PPP1CB: variants seen among roughly 807,000 people sequenced by gnomAD.
PPP1CB encodes the protein serine/threonine-protein phosphatase PP1-beta catalytic subunit.
A neutral mutation model predicts 43.7 loss-of-function variants in PPP1CB; 2 were observed. The observed-to-expected ratio is 0.05, with a 90% confidence interval of 0.02 to 0.14. The LOEUF is 0.14. Ranked by LOEUF, PPP1CB falls within the 10% of genes least tolerant of loss-of-function variation. The pLI is 1.00. For missense variants in PPP1CB, 84 were observed against 398.0 expected, an observed-to-expected ratio of 0.21 and a Z score of 6.71; for synonymous variants, 136 against 135.6, an observed-to-expected ratio of 1.00 and a Z score of -0.02.
At chr2:28,754,989 A>G (rs1472658250) in intron 1 of PPP1CB, among the ~76,000 whole-genome samples, 1 of 152,114 alleles carries the variant, frequency 6.6e-6, no homozygotes, top group African/African-American at 2.4e-5. Flanking sequence ...TGGTGACTAC[A>G]TTTTATGAGT....
intron 2 of PPP1CB, among the ~76,000 whole-genome samples, chr2:28,777,605 C>G (rs925397185): frequency 1.3e-5 from 2 of 151,982 alleles, no homozygotes; most frequent in Non-Finnish European, 2.9e-5. Context: ...TGTACAGTGC[C>G]CAGCAAATAA....
chr2:28,787,215 T>C (rs1016001743), intron 5 of PPP1CB, among the ~76,000 whole-genome samples: 1 of 152,140 alleles, frequency 6.6e-6, no homozygotes, highest in Non-Finnish European at 1.5e-5. Context: ...ATCCCAGCAC[T>C]CTGGGAGGCC....
At chr2:28,769,700 G>A (rs576620059) in intron 1 of PPP1CB, among the ~76,000 whole-genome samples, 1 of 152,186 alleles carries the variant, frequency 6.6e-6, no homozygotes, top group East Asian at 1.9e-4. Flanking sequence ...TAAAATATGT[G>A]GAAACAAAAA....
intron 1 of PPP1CB, 65 bp downstream of exon 1, chr2:28,752,241 G>A: frequency 1.4e-6 from 2 of 1,408,000 alleles, no homozygotes; most frequent in African/African-American, 3.0e-5. Context: ...CTGCGTCCCC[G>A]TCTGCCGCCG....
chr2:28,782,012 A>G, intron 4 of PPP1CB, 170 bp downstream of exon 4: 1 of 652,430 alleles, frequency 1.5e-6, no homozygotes, highest in South Asian at 1.8e-5. Context: ...AAATTTATTT[A>G]TAAATGAAAA....
chr2:28,786,647 C>T (rs1036185206), intron 5 of PPP1CB, among the ~76,000 whole-genome samples: 3 of 151,392 alleles, frequency 2.0e-5, no homozygotes, highest in African/African-American at 4.9e-5. Flanking sequence ...TGGCAGTGGG[C>T]GCCTGTAGTC....
At chr2:28,767,551 A>G (rs964276270) in intron 1 of PPP1CB, among the ~76,000 whole-genome samples, 1 of 152,182 alleles carries the variant, frequency 6.6e-6, no homozygotes, top group Non-Finnish European at 1.5e-5. Flanking sequence ...GACACCCATG[A>G]CGCTGCCAGG....
chr2:28,759,667 G>C (rs1325262173), intron 1 of PPP1CB, among the ~76,000 whole-genome samples: 1 of 150,812 alleles, frequency 6.6e-6, no homozygotes, highest in Non-Finnish European at 1.5e-5. Context: ...GCCCAGGCTG[G>C]AGTGCAGTGA....
chr2:28,789,947 G>C (rs963419764), intron 6 of PPP1CB, among the ~76,000 whole-genome samples: 1 of 152,052 alleles, frequency 6.6e-6, no homozygotes, highest in African/African-American at 2.4e-5. Flanking sequence ...TTTGATAAGA[G>C]CAAACCACAC....
At chr2:28,774,975 A>G (rs1667001808) in intron 1 of PPP1CB, among the ~76,000 whole-genome samples, 1 of 151,602 alleles carries the variant, frequency 6.6e-6, no homozygotes, top group South Asian at 2.1e-4. Flanking sequence ...TCTCCTGTTT[A>G]TTGCCTCCTT....
At chr2:28,793,736 C>G (rs1017420488) in intron 6 of PPP1CB, 127 bp from the exon 7 acceptor site, 1 of 987,102 alleles carries the variant, frequency 1.0e-6, no homozygotes, top group African/African-American at 1.6e-5. Flanking sequence ...TCACAACTTC[C>G]AAAACAAAAC....
At chr2:28,786,846 A>C (rs1467475947) in intron 5 of PPP1CB, among the ~76,000 whole-genome samples, 1 of 151,878 alleles carries the variant, frequency 6.6e-6, no homozygotes, top group Non-Finnish European at 1.5e-5. Flanking sequence ...GAGGCTGGAA[A>C]GTATGAAAGC....
chr2:28,796,104 G>C (rs915224488), intron 7 of PPP1CB, among the ~76,000 whole-genome samples: 1 of 152,110 alleles, frequency 6.6e-6, no homozygotes, highest in African/African-American at 2.4e-5. Flanking sequence ...GGTTGCAGGA[G>C]TACAGCTTTA....
chr2:28,757,681 C>G (rs1332370018), intron 1 of PPP1CB, among the ~76,000 whole-genome samples: 2 of 152,152 alleles, frequency 1.3e-5, no homozygotes, highest in South Asian at 4.1e-4. Context: ...GGATGAGATA[C>G]TAGAGGAGAC....
chr2:28,794,026 CTA>C, intron 7 of PPP1CB, 29 bp downstream of exon 7: 1 of 1,529,592 alleles, frequency 6.5e-7, no homozygotes, highest in Non-Finnish European at 8.9e-7. Flanking sequence ...TATATAAGAA[CTA>C]GAAATCTAAT....
At position 28,799,408 on chromosome 2, in the gene PPP1CB, G is replaced by A. The variant is rs890202576; in HGVS notation, c.*105G>A. 5.8e-6 allele frequency: 5 copies of A among 855,780 alleles called. No homozygotes were observed. The highest frequency in any genetic ancestry group is 5.2e-5 in the African/African-American group (3 of 57,722). 53.0% of individuals were successfully genotyped at this position (855,780 alleles called of 1,614,324 possible). On this transcript the variant is annotated 3_prime_UTR_variant, in exon 8 of 8. Transcript: ENST00000395366. ...CCAGCCATTTGACACCCTTTATGAT[G>A]TCACACCTTTAACTTAAGGAGACGG...
chr2:28,756,150 A>G (rs1372582160), intron 1 of PPP1CB, among the ~76,000 whole-genome samples: 3 of 152,250 alleles, frequency 2.0e-5, no homozygotes, highest in Admixed American at 2.0e-4. Flanking sequence ...GTCTTCAAAA[A>G]TACCGAAAAG....
At chr2:28,769,424 C>T (rs1187271670) in intron 1 of PPP1CB, among the ~76,000 whole-genome samples, 1 of 152,164 alleles carries the variant, frequency 6.6e-6, no homozygotes, top group African/African-American at 2.4e-5. Flanking sequence ...TTAGTAGAGG[C>T]AGGGTTTCTC....
intron 1 of PPP1CB, among the ~76,000 whole-genome samples, chr2:28,776,539 C>G (rs919507080): frequency 9.9e-5 from 15 of 152,092 alleles, no homozygotes; most frequent in African/African-American, 3.6e-4. Flanking sequence ...GGATTACAGG[C>G]ATGAGCCACC....
Sources: gnomAD v4.1 joint callset for allele counts (sites outside exome capture counted in the v4.1 genomes callset) on GRCh38, gnomAD v4.1.1 for gene constraint, MANE v1.5 for transcripts, NCBI Gene and HGNC (gene_info 2026-07-23, HGNC 2026-07-21) for gene names.